Variants in TGFB2 observed in about 807,000 individuals in gnomAD.
TGFB2 encodes the protein transforming growth factor beta 2.
TGFB2 carries 13 observed loss-of-function variants against 42.7 expected under a neutral mutation model. The ratio of observed to expected loss-of-function variants is 0.30; its 90% CI spans 0.20 to 0.48. The LOEUF is 0.48. Among genes scored for constraint, TGFB2 ranks in the 20% least tolerant of loss-of-function variants. The probability of loss-of-function intolerance (pLI) is 0.99; values close to 1 mark genes in which losing one functional copy is unlikely to be tolerated. For synonymous variants in TGFB2, 193 were observed against 193.6 expected, an observed-to-expected ratio of 1.00 and a Z score of 0.03; for missense variants, 390 against 517.5, an observed-to-expected ratio of 0.75 and a Z score of 2.39.
intron 1 of TGFB2, among the ~76,000 whole-genome samples, chr1:218,353,269 C>T (rs1656925005): frequency 6.6e-6 from 1 of 152,200 alleles, no homozygotes; most frequent in Admixed American, 6.5e-5. Context: ...TTCCTTTGCT[C>T]ACTCAGTTTG....
chr1:218,401,576 G>T (rs76317694), intron 1 of TGFB2, among the ~76,000 whole-genome samples: 1 of 152,146 alleles, frequency 6.6e-6, no homozygotes, highest in East Asian at 1.9e-4. Flanking sequence ...GAGAAGGAGC[G>T]GGCCAGGATG....
intron 1 of TGFB2, among the ~76,000 whole-genome samples, chr1:218,354,763 G>GAAT (rs1385664552): frequency 6.6e-6 from 1 of 152,130 alleles, no homozygotes; most frequent in Admixed American, 6.5e-5. Flanking sequence ...CTGTTAACAA[G>GAAT]AATTACATTC....
intron 1 of TGFB2, among the ~76,000 whole-genome samples, chr1:218,348,560 A>T (rs1010068907): frequency 6.6e-6 from 1 of 152,186 alleles, no homozygotes; most frequent in Admixed American, 6.5e-5. Flanking sequence ...GGCAAGCAGG[A>T]TGATTTTATT....
chr1:218,410,217 G>A (rs184350392), intron 2 of TGFB2, among the ~76,000 whole-genome samples: 2 of 152,180 alleles, frequency 1.3e-5, no homozygotes, highest in African/African-American at 2.4e-5. Flanking sequence ...ATGCCGCCAG[G>A]TATTCTTTTT....
At chr1:218,429,687 C>T (rs1571897009) in intron 2 of TGFB2, among the ~76,000 whole-genome samples, 1 of 152,278 alleles carries the variant, frequency 6.6e-6, no homozygotes, top group East Asian at 1.9e-4. Context: ...TTCCAAAAAA[C>T]TTTCTTTCCT....
At chr1:218,415,456 A>T (rs975389091) in intron 2 of TGFB2, among the ~76,000 whole-genome samples, 3 of 151,912 alleles carry the variant, frequency 2.0e-5, no homozygotes, top group African/African-American at 7.3e-5. Flanking sequence ...GCACTTTGGG[A>T]GGCCGAGGTG....
At chr1:218,349,122 C>A (rs918731275) in intron 1 of TGFB2, among the ~76,000 whole-genome samples, 1 of 152,096 alleles carries the variant, frequency 6.6e-6, no homozygotes, top group Non-Finnish European at 1.5e-5. Context: ...TAAATGAAAA[C>A]CTCCGATACG....
chr1:218,422,458 C>A (rs116919257), intron 2 of TGFB2, among the ~76,000 whole-genome samples: 1 of 152,078 alleles, frequency 6.6e-6, no homozygotes, highest in Non-Finnish European at 1.5e-5. Flanking sequence ...TGGGCTCAAA[C>A]GATCCTTCCA....
At chr1:218,353,744 G>T (rs565282662) in intron 1 of TGFB2, among the ~76,000 whole-genome samples, 1 of 152,054 alleles carries the variant, frequency 6.6e-6, no homozygotes, top group African/African-American at 2.4e-5. Flanking sequence ...AGAGAATTTA[G>T]TTGGGCCTGG....
At chr1:218,417,177 G>T (rs1468899234) in intron 2 of TGFB2, among the ~76,000 whole-genome samples, 1 of 152,240 alleles carries the variant, frequency 6.6e-6, no homozygotes, top group African/African-American at 2.4e-5. Flanking sequence ...ATGTGGGAAA[G>T]TTTGGAACTT....
At chr1:218,366,516 G>T (rs1349786657) in intron 1 of TGFB2, among the ~76,000 whole-genome samples, 1 of 152,010 alleles carries the variant, frequency 6.6e-6, no homozygotes, top group Non-Finnish European at 1.5e-5. Context: ...TTGCTATATT[G>T]CCCAGGCTGG....
chr1:218,347,148 C>G, intron 1 of TGFB2, 101 bp downstream of exon 1: 1 of 1,130,682 alleles, frequency 8.8e-7, no homozygotes, highest in Non-Finnish European at 1.3e-6. Context: ...TCGCGGTTCC[C>G]GTTCGCTCTT....
chr1:218,354,705 T>G (rs2102536314), intron 1 of TGFB2, among the ~76,000 whole-genome samples: 1 of 152,330 alleles, frequency 6.6e-6, no homozygotes, highest in East Asian at 1.9e-4. Context: ...CTTTCTTGCC[T>G]TCTTGATAAA....
intron 2 of TGFB2, 61 bp downstream of exon 2, chr1:218,405,393 C>G (rs1383367652): frequency 3.7e-6 from 6 of 1,603,268 alleles, no homozygotes; most frequent in Non-Finnish European, 5.1e-6. Flanking sequence ...GACTCTCTCT[C>G]TCTCTCTCTG....
chr1:218,437,839 C>A (rs10482825), intron 6 of TGFB2, among the ~76,000 whole-genome samples: 2,263 of 152,010 alleles, frequency 0.015, 96 homozygotes, highest in East Asian at 0.11. Context: ...TATTCTTTTT[C>A]AAAAACAATT....
At chr1:218,406,192 T>TACACACAC (rs35504165) in intron 2 of TGFB2, among the ~76,000 whole-genome samples, 109 of 149,082 alleles carry the variant, frequency 7.3e-4, no homozygotes, top group South Asian at 4.1e-3. Context: ...ACCCACTCAA[T>TACACACAC]ACACACACAC....
At position 218,437,429 on chromosome 1, in the gene TGFB2, G is replaced by A. The variant is rs745859904; in HGVS notation, c.1019G>A (p.Gly340Glu). Residue 340 changes from glycine (G) to glutamate (E), a missense_variant, in exon 6 of 7, where the codon GGG becomes GAG. Transcript: ENST00000366930. The stretch of plus-strand genomic sequence containing the variant: ...TGGAAATGGATACACGAACCCAAAG[G>A]GTACAATGCCAACTTCTGTGCTGGA... ...LGWKWIHEPKGYNANFCAGAC... is the reference protein window; with the variant it reads ...LGWKWIHEPKEYNANFCAGAC... 2 of 1,613,402 alleles carry A rather than the reference G, an allele frequency of 1.2e-6. No homozygotes were observed. Among genetic ancestry groups the A allele is most frequent in the Non-Finnish European group, 1.7e-6 (2 of 1,179,810 alleles).
intron 1 of TGFB2, among the ~76,000 whole-genome samples, chr1:218,353,832 G>T (rs1656946523): frequency 6.6e-6 from 1 of 152,234 alleles, no homozygotes; most frequent in Admixed American, 6.5e-5. Context: ...TGAGGCTGCA[G>T]TGAGCTATGA....
rs1553303357 is a variant in TGFB2 at position 218,437,433 on chromosome 1, C to A, written c.1023C>A (p.Tyr341Ter). The change falls in exon 6 of 7, where the codon TAC (tyrosine) becomes TAA (stop). Residue 341 changes from tyrosine to a stop codon, truncating the protein, a stop_gained. Transcript: ENST00000366930. LOFTEE classifies it high-confidence loss of function. ...AATGGATACACGAACCCAAAGGGTA[C>A]AATGCCAACTTCTGTGCTGGAGCAT... ...GWKWIHEPKG[Y>*]NANFCAGACP... 1.2e-6 allele frequency: 2 copies of A among 1,612,420 alleles called. No homozygotes were observed. The highest frequency in any genetic ancestry group is 1.7e-6 in the Non-Finnish European group (2 of 1,179,690).
Sources: allele counts gnomAD v4.1 joint callset (sites outside exome capture counted in the v4.1 genomes callset), GRCh38; gene constraint gnomAD v4.1.1; transcripts MANE v1.5; gene names NCBI Gene and HGNC (gene_info 2026-07-23, HGNC 2026-07-21).